Variants in KIF4A observed in about 807,000 individuals in gnomAD.
KIF4A encodes kinesin family member 4A, also known as chromosome-associated kinesin KIF4A.
In KIF4A, 7 loss-of-function variants were observed where a neutral mutation model predicts 105.9. The observed-to-expected ratio is 0.07, with a 90% CI of 0.04 to 0.12. The LOEUF (loss-of-function observed/expected upper bound fraction) is 0.12, where lower values mean the gene tolerates loss of function less well. KIF4A is among the 10% of genes least tolerant of loss of function. KIF4A has a pLI of 1.00. For synonymous variants in KIF4A, 281 were observed against 331.3 expected (o/e 0.85, Z 1.65); for missense variants, 558 against 929.2 (o/e 0.60, Z 5.19).
intron 20 of KIF4A, among the ~76,000 whole-genome samples, chrX:70,394,788 C>A (rs772604322): frequency 6.5e-4 from 73 of 112,000 alleles, no homozygotes; most frequent in African/African-American, 2.2e-3. Flanking sequence ...ATTGAACAAT[C>A]GGCTCCTTTA....
At chrX:70,400,390 A>G (rs1166574921) in intron 22 of KIF4A, among the ~76,000 whole-genome samples, 1 of 111,738 alleles carries the variant, frequency 8.9e-6, no homozygotes, top group Non-Finnish European at 1.9e-5. Context: ...TCCATGGTGT[A>G]TATGTGCCAC....
intron 14 of KIF4A, among the ~76,000 whole-genome samples, chrX:70,353,346 A>G (rs2086038676): frequency 8.9e-6 from 1 of 112,303 alleles, no homozygotes; most frequent in Non-Finnish European, 1.9e-5. Flanking sequence ...GGTAAAAGTA[A>G]GAAATGCCAT....
chrX:70,380,013 G>A (rs755197555), intron 18 of KIF4A, among the ~76,000 whole-genome samples: 1 of 111,324 alleles, frequency 9.0e-6, no homozygotes, highest in South Asian at 3.8e-4. Flanking sequence ...CATTTAAAAA[G>A]GATGATAGGC....
intron 7 of KIF4A, among the ~76,000 whole-genome samples, chrX:70,306,414 C>G (rs1223894049): frequency 8.9e-6 from 1 of 112,547 alleles, no homozygotes. Flanking sequence ...ATAGAGATTT[C>G]GCTGAATCTG....
intron 7 of KIF4A, among the ~76,000 whole-genome samples, chrX:70,311,952 T>TA (rs753894780): frequency 0.023 from 1,874 of 81,886 alleles, 52 homozygotes; most frequent in African/African-American, 0.079. Context: ...GGACCGTCTC[T>TA]AAAAAAAAAA....
chrX:70,390,567 G>A (rs2086234149), intron 20 of KIF4A, among the ~76,000 whole-genome samples: 1 of 111,013 alleles, frequency 9.0e-6, no homozygotes, highest in African/African-American at 3.3e-5. Flanking sequence ...TTGGTTGATT[G>A]GTCAGTTTTT....
At chrX:70,363,811 C>T (rs765893162) in intron 15 of KIF4A, among the ~76,000 whole-genome samples, 4 of 111,914 alleles carry the variant, frequency 3.6e-5, no homozygotes, top group South Asian at 3.7e-4. Flanking sequence ...CCTGAGGAAT[C>T]GCCACACTGA....
In KIF4A at chrX:70,310,155, T is replaced by G. The variant is rs185994812; in HGVS notation, c.778+7757T>G. Among the ~76,000 whole-genome samples, 21 of 112,255 alleles carry G rather than the reference T, an allele frequency of 1.9e-4. No homozygotes were observed. In the East Asian group the frequency reaches 5.8e-3, roughly 31 times the overall value. On this transcript the variant is annotated intron_variant, in intron 7 of 30. Coordinates refer to ENST00000374403, the MANE Select transcript of KIF4A (RefSeq NM_012310.5). The stretch of plus-strand genomic sequence containing the variant: ...TATATCTACCACCAAAAATATCATA[T>G]AAAACAATTCCATCTTTCCAGAAAC...
At chrX:70,386,788 G>A in intron 19 of KIF4A, 87 bp downstream of exon 19, 5 of 685,563 alleles carry the variant, frequency 7.3e-6, no homozygotes, top group Non-Finnish European at 1.1e-5. Context: ...ACTAGCAAGC[G>A]TCCTGAGAAA....
At chrX:70,365,824 GCTC>G in intron 15 of KIF4A, among the ~76,000 whole-genome samples, 1 of 111,655 alleles carries the variant, frequency 9.0e-6, no homozygotes, top group East Asian at 2.8e-4. Context: ...AGCGGTACCA[GCTC>G]CTCCTTCTAC....
intron 10 of KIF4A, among the ~76,000 whole-genome samples, chrX:70,340,815 A>AT (rs1359403809): frequency 9.1e-6 from 1 of 110,161 alleles, no homozygotes; most frequent in East Asian, 2.9e-4. Context: ...CCTGTCCTTT[A>AT]TTTTTCTCTT....
rs149945766 is a variant in KIF4A at position 70,414,592 on chromosome X, G to A, written c.3256-3296G>A. On this transcript the variant is annotated intron_variant, in intron 28 of 30. Coordinates refer to ENST00000374403, the MANE Select transcript of KIF4A (RefSeq NM_012310.5). ...GGATACATGAGAACCATGTCATGTG[G>A]CAAATCATTGAGGGAACTAGGTACA... Among the ~76,000 whole-genome samples, 350 of 112,022 alleles carry A rather than the reference G, an allele frequency of 3.1e-3. 2 individuals carry two copies. Among genetic ancestry groups the A allele is most frequent in the African/African-American group, 0.011 (341 of 30,864 alleles).
At chrX:70,290,932 C>T in intron 3 of KIF4A, 127 bp downstream of exon 3, 1 of 472,287 alleles carries the variant, frequency 2.1e-6, no homozygotes. Context: ...TCAAGAAGCC[C>T]TTAGCCTAAT....
At chrX:70,392,011 C>T (rs886257164) in intron 20 of KIF4A, among the ~76,000 whole-genome samples, 5 of 111,346 alleles carry the variant, frequency 4.5e-5, no homozygotes, top group Non-Finnish European at 9.4e-5. Context: ...TGGATAAACT[C>T]CATTTAATTG....
intron 7 of KIF4A, among the ~76,000 whole-genome samples, chrX:70,322,066 A>C (rs1178816999): frequency 9.1e-6 from 1 of 109,384 alleles, no homozygotes; most frequent in Non-Finnish European, 1.9e-5. Context: ...CCCACTGTTC[A>C]TGCCCATCAC....
intron 28 of KIF4A, among the ~76,000 whole-genome samples, chrX:70,417,300 C>T (rs775085226): frequency 1.9e-4 from 21 of 111,825 alleles, no homozygotes; most frequent in Non-Finnish European, 3.6e-4. Flanking sequence ...GTCAGGAGTT[C>T]GAGACCAGCC....
At chrX:70,418,100 T>C (rs2086351849) in intron 29 of KIF4A, 96 bp downstream of exon 29, 2 of 637,957 alleles carry the variant, frequency 3.1e-6, no homozygotes, top group Non-Finnish European at 4.9e-6. Context: ...TGGAGTCTCC[T>C]GCACAGCTCT....
intron 25 of KIF4A, among the ~76,000 whole-genome samples, 185 bp downstream of exon 25, chrX:70,405,007 T>C: frequency 9.0e-6 from 1 of 111,502 alleles, no homozygotes; most frequent in Non-Finnish European, 1.9e-5. Context: ...TAGCCATATA[T>C]AGGAATAACC....
At chrX:70,362,313 G>A in intron 15 of KIF4A, 1 of 329,495 alleles carries the variant, frequency 3.0e-6, no homozygotes, top group South Asian at 3.3e-5. Flanking sequence ...TTTCTCCGTG[G>A]GGGTGCTGCG....
Sources: gnomAD v4.1 joint callset for allele counts (sites outside exome capture counted in the v4.1 genomes callset) on GRCh38, gnomAD v4.1.1 for gene constraint, MANE v1.5 for transcripts, NCBI Gene and HGNC (gene_info 2026-07-23, HGNC 2026-07-21) for gene names.